The following ATP6V1B1 variants were observed in gnomAD, a reference collection of about 807,000 sequenced individuals.
The protein encoded by ATP6V1B1 is V-type proton ATPase subunit B, kidney isoform.
Under a neutral mutation model 62.1 loss-of-function variants are expected in ATP6V1B1, and 41 were observed. The ratio of observed to expected loss-of-function variants is 0.66; its 90% CI spans 0.51 to 0.86. The LOEUF is 0.86. Among genes scored for constraint, ATP6V1B1 ranks in the 40% least tolerant of loss-of-function variants. The probability of loss-of-function intolerance (pLI) is 0.00; values close to 1 mark genes in which losing one functional copy is unlikely to be tolerated. For missense variants in ATP6V1B1, 651 were observed against 697.5 expected, an observed-to-expected ratio of 0.93 and a Z score of 0.75; for synonymous variants, 253 against 273.4, an observed-to-expected ratio of 0.93 and a Z score of 0.74.
At position 70,962,792 on chromosome 2, in the gene ATP6V1B1, C is replaced by T. The variant is rs145380477; in HGVS notation, c.801C>T (p.Ile267=). Residue 267 remains isoleucine (I), a synonymous_variant, in exon 9 of 14, where the codon ATC becomes ATT. Coordinates refer to ENST00000234396, the MANE Select transcript of ATP6V1B1 (RefSeq NM_001692.4). ...LANDPTIERI[I]TPRLALTTAE... is the part of the protein sequence containing the mutation. ...ACACCTCCAGGATCGAGCGGATCAT[C>T]ACCCCGCGCCTGGCGCTGACCACTG... is the stretch of plus-strand genomic sequence containing the variant. The T allele has an allele frequency of 2.5e-6, 4 of 1,613,926 alleles. No homozygotes were observed. The African/African-American group carries it at 5.3e-5, about 22-fold the overall frequency.
rs1553420672 is a variant in ATP6V1B1 at position 70,964,428 on chromosome 2, T to C, written c.1144-10T>C. On this transcript the variant is annotated splice_polypyrimidine_tract_variant and intron_variant, in intron 11 of 13. Coordinates refer to ENST00000234396, the MANE Select transcript of ATP6V1B1 (RefSeq NM_001692.4). Reference sequence around the variant, plus strand: ...CTGCTGTCCACCACTCCCTTTTTCTTCTCCCTCAGATCTACCCCCCCATCA... The same window carrying C: ...CTGCTGTCCACCACTCCCTTTTTCTCCTCCCTCAGATCTACCCCCCCATCA... The C allele has an allele frequency of 6.2e-7, 1 of 1,613,464 alleles. No individual in the cohort carries two copies. Among genetic ancestry groups the C allele is most frequent in the Admixed American group, 1.7e-5 (1 of 59,980 alleles).
Position 70,962,771 on chromosome 2 carries a change from C to A in ATP6V1B1, c.786-6C>A, listed in dbSNP as rs1680621316. On this transcript the variant is annotated splice_polypyrimidine_tract_variant and splice_region_variant and intron_variant, in intron 8 of 13. Transcript: ENST00000234396. ...AGGCTCTCTAAACACCTGGCTACAC[C>A]TCCAGGATCGAGCGGATCATCACCC... 6.2e-7 allele frequency: 1 copy of A among 1,613,676 alleles called. No individual in the cohort carries two copies. Among genetic ancestry groups the A allele is most frequent in the Non-Finnish European group, 8.5e-7 (1 of 1,179,994 alleles).
At chr2:70,938,481 T>C (rs1332294890) in intron 1 of ATP6V1B1, 1 of 926,026 alleles carries the variant, frequency 1.1e-6, no homozygotes, top group Non-Finnish European at 1.3e-6. Flanking sequence ...GCCCCAGTGC[T>C]CGCTGGGCCA....
Position 70,961,041 on chromosome 2 carries a change from C to T in ATP6V1B1, c.687+19C>T, listed in dbSNP as rs370336665. 8.3e-6 allele frequency: 13 copies of T among 1,558,824 alleles called. No individual in the cohort carries two copies. The African/African-American group carries it at 1.8e-4, about 21-fold the overall frequency. ...CATGGGGGTGAGGAGACTTAGTAGA[C>T]TGGCAAGTTCTGGAGGCTGTGAGCA... On this transcript the variant is annotated intron_variant, in intron 7 of 13. Coordinates refer to ENST00000234396, the MANE Select transcript of ATP6V1B1 (RefSeq NM_001692.4).
chr2:70,964,606 C>A, intron 12 of ATP6V1B1, 64 bp downstream of exon 12: 2 of 1,609,828 alleles, frequency 1.2e-6, no homozygotes, highest in Non-Finnish European at 1.7e-6. Context: ...GGCCTGAGCC[C>A]CATCTGAAGG....
chr2:70,953,453 C>T (rs1553418575), intron 2 of ATP6V1B1, among the ~76,000 whole-genome samples: 2 of 152,100 alleles, frequency 1.3e-5, no homozygotes, highest in African/African-American at 4.8e-5. Flanking sequence ...AGGTGAATTA[C>T]ATGAATAGAT....
chr2:70,940,972 A>C, intron 1 of ATP6V1B1: 1 of 881,718 alleles, frequency 1.1e-6, no homozygotes, highest in South Asian at 5.2e-5. Context: ...GGAGTGCAAT[A>C]ATAGCATGAT....
Position 70,943,595 on chromosome 2 carries a change from CCT to C in ATP6V1B1, c.119-60_119-59del, listed in dbSNP as rs782479711. The stretch of plus-strand genomic sequence containing the variant: ...AGAGAGGAAGGGAAGGCAGAGGATG[CCT>C]CTGTGTGTGTGAGCAGGGTGTTTGG... On this transcript the variant is annotated intron_variant, in intron 1 of 13. Transcript: ENST00000234396. 6 of 1,536,392 alleles carry C rather than the reference CCT, an allele frequency of 3.9e-6. No homozygotes were observed. In the South Asian group the frequency reaches 6.8e-5, roughly 17 times the overall value.
Position 70,965,012 on chromosome 2 carries a change from T to G in ATP6V1B1, c.1433T>G (p.Leu478Arg), listed in dbSNP as rs1553420826. 1 of 1,613,742 alleles carries G rather than the reference T, an allele frequency of 6.2e-7. No individual in the cohort carries two copies. Among genetic ancestry groups the G allele is most frequent in the African/African-American group, 1.3e-5 (1 of 74,936 alleles). Residue 478 changes from leucine to arginine, a missense_variant, in exon 14 of 14, where the codon CTG becomes CGG. Physicochemically the swap from Leu to Arg is moderately radical, Grantham distance 102. Coordinates refer to ENST00000234396, the MANE Select transcript of ATP6V1B1 (RefSeq NM_001692.4). ...FESLDLGWKL[L>R]RIFPKEMLKR... ...TCGCTGGACCTGGGCTGGAAGCTGC[T>G]GCGCATCTTCCCCAAGGAGATGCTG...
At position 70,964,508 on chromosome 2, in the gene ATP6V1B1, CAAGA is replaced by C; in HGVS notation, c.1218_1221del (p.Lys407ThrfsTer22). On this transcript the variant is annotated frameshift_variant, in exon 12 of 14. Transcript: ENST00000234396. LOFTEE classifies it high-confidence loss of function. The stretch of plus-strand genomic sequence containing the variant: ...AAGTCAGCCATTGGGGAAGGCATGA[CAAGA>C]AAGGACCATGGAGATGTCTCCAACC... 1 of 1,614,136 alleles carries C rather than the reference CAAGA, an allele frequency of 6.2e-7. No homozygotes were observed. The highest frequency in any genetic ancestry group is 8.5e-7 in the Non-Finnish European group (1 of 1,180,040).
chr2:70,958,575 TTC>T, intron 4 of ATP6V1B1, 149 bp downstream of exon 4: 1 of 730,942 alleles, frequency 1.4e-6, no homozygotes, highest in Non-Finnish European at 2.3e-6. Context: ...GGGGTATGTC[TTC>T]TCTCTGATTC....
At chr2:70,938,493 G>C (rs373926638) in intron 1 of ATP6V1B1, 11 of 963,464 alleles carry the variant, frequency 1.1e-5, no homozygotes, top group Non-Finnish European at 1.4e-5. Flanking sequence ...GCTGGGCCAC[G>C]GTGGAGGTGA....
At chr2:70,940,888 T>G (rs1558668546) in intron 1 of ATP6V1B1, 1 of 968,488 alleles carries the variant, frequency 1.0e-6, no homozygotes, top group African/African-American at 1.9e-5. Context: ...TTTTTCTTCT[T>G]TTTTTCTTTT....
intron 2 of ATP6V1B1, among the ~76,000 whole-genome samples, chr2:70,956,554 A>G (rs1680436295): frequency 6.6e-6 from 1 of 152,168 alleles, no homozygotes; most frequent in Non-Finnish European, 1.5e-5. Context: ...TCCTCCCAGC[A>G]CTGTATGAGC....
In ATP6V1B1 at chr2:70,959,661, A is replaced by G. The variant is rs1572920426; in HGVS notation, c.446-278A>G. On this transcript the variant is annotated intron_variant, in intron 5 of 13. Coordinates refer to ENST00000234396, the MANE Select transcript of ATP6V1B1 (RefSeq NM_001692.4). The surrounding 1 kb of genome is among the most constrained non-coding windows in gnomAD (Gnocchi z 4.2). ...GAGTTTCCACCTGCCTGCCACTTCC[A>G]AAGCACAAGGGCAGCTCTGTCCAAG... is the stretch of plus-strand genomic sequence containing the variant. Among the ~76,000 whole-genome samples, 1 of 152,358 alleles carries G rather than the reference A, an allele frequency of 6.6e-6. No homozygotes were observed. Among genetic ancestry groups the G allele is most frequent in the African/African-American group, 2.4e-5 (1 of 41,582 alleles).
intron 11 of ATP6V1B1, 55 bp from the exon 12 acceptor site, chr2:70,964,381 CAG>C (rs1440401694): frequency 3.8e-6 from 6 of 1,568,058 alleles, no homozygotes; most frequent in Non-Finnish European, 5.3e-6. Context: ...AATTTGGGGA[CAG>C]GGGGAGCAAA....
chr2:70,946,481 C>T (rs1224645990), intron 2 of ATP6V1B1, among the ~76,000 whole-genome samples: 1 of 152,220 alleles, frequency 6.6e-6, no homozygotes, highest in African/African-American at 2.4e-5. Context: ...CTGACAGAAT[C>T]AGAAGCTCTG....
chr2:70,962,944 C>T (rs1201877743), intron 9 of ATP6V1B1, 44 bp downstream of exon 9: 1 of 1,612,546 alleles, frequency 6.2e-7, no homozygotes, highest in African/African-American at 1.3e-5. Context: ...CCTACCCCTC[C>T]CTAAGCCTGA....
At chr2:70,955,405 C>T (rs183627140) in intron 2 of ATP6V1B1, among the ~76,000 whole-genome samples, 1 of 152,154 alleles carries the variant, frequency 6.6e-6, no homozygotes, top group Non-Finnish European at 1.5e-5. Context: ...CACAGTTATG[C>T]AAACATCATC....
Sources: allele counts gnomAD v4.1 joint callset (sites outside exome capture counted in the v4.1 genomes callset), GRCh38; gene constraint gnomAD v4.1.1; non-coding constraint Gnocchi (gnomAD v3.1); transcripts MANE v1.5; gene names NCBI Gene and HGNC (gene_info 2026-07-23, HGNC 2026-07-21).